Variants in RDH13 observed in about 807,000 individuals in gnomAD.
The protein encoded by RDH13 is retinol dehydrogenase 13 (all-trans and 9-cis).
In RDH13, 35 loss-of-function variants were observed where a neutral mutation model predicts 28.3. The ratio of observed to expected loss-of-function variants is 1.24; its 90% CI spans 0.95 to 1.64. The LOEUF (loss-of-function observed/expected upper bound fraction) is 1.64, where lower values mean the gene tolerates loss of function less well. RDH13 is among the 40% of genes most tolerant of loss of function. The pLI is 0.00. For missense variants in RDH13, 514 were observed against 446.3 expected (o/e 1.15, Z -1.37); for synonymous variants, 229 against 198.5 (o/e 1.15, Z -1.29).
At chr19:55,063,287 G>A (rs186095179), upstream of RDH13, 560 of 389,300 alleles carry the variant, frequency 1.4e-3, 1 homozygote, top group African/African-American at 0.01. Context: ...TCAGGAGCCT[G>A]TGGGCGTGGC....
chr19:55,061,279 C>T (rs2075799557), intron 1 of RDH13, among the ~76,000 whole-genome samples: 1 of 152,100 alleles, frequency 6.6e-6, no homozygotes, highest in Non-Finnish European at 1.5e-5. Flanking sequence ...AGGCACATGC[C>T]ACCACACCTG....
upstream of RDH13, among the ~76,000 whole-genome samples, chr19:55,066,414 C>T (rs76438585): frequency 4.1e-3 from 626 of 151,322 alleles, 2 homozygotes; most frequent in African/African-American, 0.015. Flanking sequence ...GTCTCCTTTT[C>T]TCTTCCTCTC....
intron 5 of RDH13, 154 bp downstream of exon 5, chr19:55,048,175 A>T: frequency 6.5e-7 from 1 of 1,535,642 alleles, no homozygotes; most frequent in Non-Finnish European, 8.7e-7. Flanking sequence ...TGTCTGCTTC[A>T]GGCACCAGAA....
At chr19:55,050,657 C>T (rs1289849993) in intron 3 of RDH13, 1 of 152,186 alleles carries the variant, frequency 6.6e-6, no homozygotes, top group Admixed American at 6.6e-5. Context: ...AGGGCCCACC[C>T]TAATGACCTC....
chr19:55,062,853 G>C, intron 1 of RDH13, 115 bp downstream of exon 1: 1 of 939,102 alleles, frequency 1.1e-6, no homozygotes, highest in Non-Finnish European at 1.5e-6. Context: ...GGCACTGCGG[G>C]TCGGGAGCTA....
chr19:55,056,716 C>A lies in RDH13; in HGVS notation c.277G>T (p.Ala93Ser). The change falls in exon 3 of 7, where the codon GCC becomes TCC. Residue 93 changes from alanine (A) to serine (S), a missense_variant. Ala to Ser is a moderately conservative substitution (Grantham distance 99). Transcript: ENST00000415061. Reference sequence around the variant, plus strand: ...AGGGAAGCCAAGTCCAGGTGCCGGGCGTTGACATGGTGATTGAGGGTCTCC... The same window carrying A: ...AGGGAAGCCAAGTCCAGGTGCCGGGAGTTGACATGGTGATTGAGGGTCTCC... ...RGETLNHHVN[A>S]RHLDLASLKS... is the part of the protein sequence containing the mutation. The A allele has an allele frequency of 6.2e-7, 1 of 1,613,868 alleles. No homozygotes were observed. The highest frequency in any genetic ancestry group is 8.5e-7 in the Non-Finnish European group (1 of 1,179,956).
chr19:55,063,384 A>G (rs941892089), upstream of RDH13: 7 of 295,230 alleles, frequency 2.4e-5, no homozygotes, highest in Admixed American at 1.6e-4. Flanking sequence ...GGAGTGAAAT[A>G]GGTTCGAATC....
chr19:55,064,442 T>C (rs2075906667), upstream of RDH13: 1 of 149,662 alleles, frequency 6.7e-6, no homozygotes, highest in African/African-American at 2.4e-5. Flanking sequence ...CTTAGGCCTG[T>C]AGACCTTAAG....
chr19:55,060,742 G>A (rs951273294), intron 1 of RDH13, among the ~76,000 whole-genome samples: 3 of 152,174 alleles, frequency 2.0e-5, no homozygotes, highest in Non-Finnish European at 2.9e-5. Flanking sequence ...GCTGAGGCAC[G>A]AGAATTGCTT....
rs868263560 is a variant in RDH13 at position 55,047,963 on chromosome 19, A to C, written c.658+366T>G. The C allele has an allele frequency of 7.7e-6, 8 of 1,037,854 alleles. No individual in the cohort carries two copies. In the African/African-American group the frequency reaches 1.3e-4, roughly 17 times the overall value. The allele number at this position is 1,037,854 out of a possible 1,614,324, so 64.3% of individuals were successfully genotyped here. A position where few individuals can be genotyped will look rare whatever the true frequency, so the allele number is the denominator to read the frequency against. ...CCTTTACCCTCCAGATGCCCAGAGC[A>C]ATCTCTCCCCAAGCCAGCTGTGATC... is the stretch of plus-strand genomic sequence containing the variant. On this transcript the variant is annotated intron_variant, in intron 5 of 6. Coordinates refer to ENST00000415061, the MANE Select transcript of RDH13 (RefSeq NM_001145971.2).
chr19:55,044,658 G>A lies in RDH13; in HGVS notation c.*416C>T. The A allele has an allele frequency of 5.2e-6, 1 of 192,810 alleles. No homozygotes were observed. Among genetic ancestry groups the A allele is most frequent in the East Asian group, 1.2e-4 (1 of 8,164 alleles). The allele number at this position is 192,810 out of a possible 1,614,324, so 11.9% of individuals were successfully genotyped here. On this transcript the variant is annotated 3_prime_UTR_variant, in exon 7 of 7. Coordinates refer to ENST00000415061, the MANE Select transcript of RDH13 (RefSeq NM_001145971.2). ...CCAAGGCTCAGAGAGGACCATGCAT[G>A]CACAAGGTCCCACAGGGACCCAAGA...
In RDH13 at chr19:55,063,052, T is replaced by TCAGGCGG. The variant is rs755363540; in HGVS notation, c.-21_-20insCCGCCTG. On this transcript the variant is annotated 5_prime_UTR_variant, in exon 1 of 7. Coordinates refer to ENST00000415061, the MANE Select transcript of RDH13 (RefSeq NM_001145971.2). ...GCTCATGCCGGGCCGGGGACAGGCG[T>TCAGGCGG]CAGGCGTCAGGGGTCGGCGCGGAGC... 1 of 1,302,350 alleles carries TCAGGCGG rather than the reference T, an allele frequency of 7.7e-7. No individual in the cohort carries two copies. Among genetic ancestry groups the TCAGGCGG allele is most frequent in the Non-Finnish European group, 9.7e-7 (1 of 1,032,902 alleles). The allele number at this position is 1,302,350 out of a possible 1,614,324, so 80.7% of individuals were successfully genotyped here. A position where few individuals can be genotyped will look rare whatever the true frequency, so the allele number is the denominator to read the frequency against.
upstream of RDH13, among the ~76,000 whole-genome samples, chr19:55,064,870 C>T (rs1413406002): frequency 6.7e-6 from 1 of 149,610 alleles, no homozygotes; most frequent in East Asian, 2.0e-4. Context: ...GCCTCGGCCA[C>T]CCAAAGTGCT....
upstream of RDH13, among the ~76,000 whole-genome samples, chr19:55,065,426 A>G (rs1166232884): frequency 1.5e-4 from 23 of 151,480 alleles, no homozygotes; most frequent in Admixed American, 6.7e-5. Context: ...AACATGGGCA[A>G]TTGGTTCAGA....
upstream of RDH13, among the ~76,000 whole-genome samples, chr19:55,066,499 CTCTCCCTCT>C (rs2075963132): frequency 1.6e-5 from 1 of 63,194 alleles, no homozygotes; most frequent in African/African-American, 6.6e-5. Context: ...TTCTCTCTCT[CTCTCCCTCT>C]CTCTCACATC....
At chr19:55,062,042 G>A (rs1320031644) in intron 1 of RDH13, among the ~76,000 whole-genome samples, 1 of 152,078 alleles carries the variant, frequency 6.6e-6, no homozygotes, top group Non-Finnish European at 1.5e-5. Context: ...GCTTGAACCC[G>A]GGAGGTGGAG....
chr19:55,067,968 CCT>C (rs545490586), upstream of RDH13, among the ~76,000 whole-genome samples: 37 of 146,258 alleles, frequency 2.5e-4, no homozygotes, highest in South Asian at 4.6e-4. Context: ...CTCCGTGTCT[CCT>C]CTCTCTCTCT....
At chr19:55,060,123 A>T (rs1249186276) in intron 1 of RDH13, among the ~76,000 whole-genome samples, 5 of 149,506 alleles carry the variant, frequency 3.3e-5, no homozygotes, top group Non-Finnish European at 5.9e-5. Context: ...AACACCCGTA[A>T]AGGGTCTGTG....
intron 3 of RDH13, among the ~76,000 whole-genome samples, chr19:55,051,239 CCT>C (rs956831937): frequency 7.9e-5 from 12 of 152,058 alleles, no homozygotes; most frequent in African/African-American, 2.9e-4. Context: ...ACAGGAGGCC[CCT>C]CTCAGGAGGT....
Sources: gnomAD v4.1 joint callset for allele counts (sites outside exome capture counted in the v4.1 genomes callset) on GRCh38, gnomAD v4.1.1 for gene constraint, MANE v1.5 for transcripts, NCBI Gene and HGNC (gene_info 2026-07-23, HGNC 2026-07-21) for gene names.